Variants in KAZN observed in about 807,000 individuals in gnomAD.
KAZN encodes kazrin, periplakin interacting protein.
In KAZN, 40 loss-of-function variants were observed where a neutral mutation model predicts 87.4. That is an observed-to-expected ratio of 0.46 (90% CI 0.36 to 0.60). KAZN has a LOEUF of 0.60. Ranked by LOEUF, KAZN falls within the 20% of genes least tolerant of loss-of-function variation. The pLI is 0.00. For missense variants in KAZN, 898 were observed against 1,073.9 expected (o/e 0.84, Z 2.29); for synonymous variants, 466 against 458.3 (o/e 1.02, Z -0.22).
intron 2 of KAZN, among the ~76,000 whole-genome samples, chr1:14,326,287 G>T (rs2149507): frequency 1.8e-4 from 28 of 151,956 alleles, no homozygotes; most frequent in African/African-American, 6.0e-4. Context: ...ATACCAAAAA[G>T]CCATCCTTGT....
intron 2 of KAZN, among the ~76,000 whole-genome samples, chr1:14,415,813 A>C (rs542676800): frequency 6.6e-6 from 1 of 152,038 alleles, no homozygotes; most frequent in South Asian, 2.1e-4. Context: ...TCCCCCAAAG[A>C]ACCCCTTGTG....
intron 2 of KAZN, among the ~76,000 whole-genome samples, chr1:14,368,095 G>A (rs1484891119): frequency 2.6e-5 from 4 of 152,132 alleles, no homozygotes; most frequent in Non-Finnish European, 5.9e-5. Flanking sequence ...CTGCCTGATG[G>A]ATTTTTCTAT....
chr1:14,265,323 CATG>C (rs1280510759), intron 2 of KAZN, among the ~76,000 whole-genome samples: 1 of 152,170 alleles, frequency 6.6e-6, no homozygotes, highest in Non-Finnish European at 1.5e-5. Context: ...ACTAATCAAA[CATG>C]ATAGTTTGGT....
At chr1:14,903,477 AG>A (rs1274484997) in intron 1 of KAZN, among the ~76,000 whole-genome samples, 1 of 152,064 alleles carries the variant, frequency 6.6e-6, no homozygotes, top group African/African-American at 2.4e-5. Context: ...CTTTAGCCAG[AG>A]GGGGCACACT....
chr1:14,064,661 G>A (rs577097952), intron 1 of KAZN, among the ~76,000 whole-genome samples: 18 of 152,258 alleles, frequency 1.2e-4, no homozygotes, highest in African/African-American at 2.4e-4. Flanking sequence ...GAGGGTGTGC[G>A]CCTGAGAGCA....
intron 2 of KAZN, among the ~76,000 whole-genome samples, chr1:14,331,437 G>A (rs1656853086): frequency 6.6e-6 from 1 of 152,170 alleles, no homozygotes; most frequent in African/African-American, 2.4e-5. Context: ...ATTGACAGTG[G>A]TTTCCAAGGT....
chr1:15,002,207 A>G (rs1481638523), intron 2 of KAZN, among the ~76,000 whole-genome samples: 4 of 152,168 alleles, frequency 2.6e-5, no homozygotes, highest in Non-Finnish European at 5.9e-5. Context: ...CGACGGTCAC[A>G]GTCCTGTTCT....
chr1:13,935,083 A>T (rs1557730960), intron 1 of KAZN, among the ~76,000 whole-genome samples: 1 of 150,968 alleles, frequency 6.6e-6, no homozygotes, highest in Non-Finnish European at 1.5e-5. Context: ...CTAAAGATAG[A>T]AAAATTAGCC....
At chr1:14,284,906 T>C (rs1308367737) in intron 2 of KAZN, among the ~76,000 whole-genome samples, 1 of 152,228 alleles carries the variant, frequency 6.6e-6, no homozygotes, top group Non-Finnish European at 1.5e-5. Flanking sequence ...AAATCTTCCC[T>C]ACAGCCCAAA....
At chr1:14,055,485 TTTGATTGCCCAAGCCAGAAATCTTTCC>T (rs1307113099) in intron 1 of KAZN, among the ~76,000 whole-genome samples, 3 of 152,192 alleles carry the variant, frequency 2.0e-5, no homozygotes, top group African/African-American at 7.2e-5. Flanking sequence ...TCCAGAAAGC[TTTGATTGCCCAAGCCAGAAATCTTTCC>T]CCTGAGTCAG....
chr1:14,128,286 A>T (rs1214615273), intron 1 of KAZN, among the ~76,000 whole-genome samples: 1 of 150,740 alleles, frequency 6.6e-6, no homozygotes, highest in Non-Finnish European at 1.5e-5. Flanking sequence ...CTCCATGGGC[A>T]GCCAAGTGGG....
chr1:14,404,605 C>A (rs965249518), intron 2 of KAZN, among the ~76,000 whole-genome samples: 15 of 152,062 alleles, frequency 9.9e-5, no homozygotes, highest in African/African-American at 3.4e-4. Context: ...ATGTTCACTG[C>A]AGCACTGTTT....
intron 2 of KAZN, among the ~76,000 whole-genome samples, chr1:14,229,693 G>A (rs1053299450): frequency 6.6e-6 from 1 of 152,210 alleles, no homozygotes; most frequent in Non-Finnish European, 1.5e-5. Flanking sequence ...CCCTTTCAGG[G>A]CCCAAGCCCT....
intron 1 of KAZN, among the ~76,000 whole-genome samples, chr1:14,161,188 A>G (rs1645701638): frequency 1.3e-5 from 2 of 152,244 alleles, no homozygotes; most frequent in African/African-American, 4.8e-5. Context: ...AATCTTCACC[A>G]TATTAGCTAT....
chr1:14,028,392 G>C (rs60877765), intron 1 of KAZN, among the ~76,000 whole-genome samples: 2 of 152,188 alleles, frequency 1.3e-5, no homozygotes, highest in East Asian at 3.9e-4. Flanking sequence ...GTAGATCCTG[G>C]AGCTCGAATT....
At chr1:14,446,950 G>A (rs989678354) in intron 2 of KAZN, among the ~76,000 whole-genome samples, 2 of 152,048 alleles carry the variant, frequency 1.3e-5, no homozygotes, top group Admixed American at 6.6e-5. Context: ...ACATGTACAG[G>A]TTTGTTATAT....
At chr1:13,944,232 C>T (rs978535373) in intron 1 of KAZN, among the ~76,000 whole-genome samples, 25 of 152,300 alleles carry the variant, frequency 1.6e-4, no homozygotes, top group Middle Eastern at 3.4e-3. Context: ...CATAGATGAA[C>T]GTTGAAAATA....
chr1:13,925,646 A>G (rs1640244430), intron 1 of KAZN, among the ~76,000 whole-genome samples: 1 of 152,188 alleles, frequency 6.6e-6, no homozygotes, highest in Non-Finnish European at 1.5e-5. Flanking sequence ...GACCTTGTAG[A>G]CTGTTGAAGG....
At chr1:15,007,072 AAAAAAGAAAAAC>A (rs1351348625) in intron 2 of KAZN, among the ~76,000 whole-genome samples, 2 of 128,032 alleles carry the variant, frequency 1.6e-5, no homozygotes, top group Non-Finnish European at 3.4e-5. Context: ...AAAAAAAAAA[AAAAAAGAAAAAC>A]AGAAAATTCC....
Sources: allele counts gnomAD v4.1 joint callset (sites outside exome capture counted in the v4.1 genomes callset), GRCh38; gene constraint gnomAD v4.1.1; transcripts MANE v1.5; gene names NCBI Gene and HGNC (gene_info 2026-07-23, HGNC 2026-07-21).